Variants in GALNTL6 observed in about 807,000 individuals in gnomAD.
GALNTL6 encodes the protein polypeptide N-acetylgalactosaminyltransferase-like 6.
GALNTL6 carries 46 observed loss-of-function variants against 73.7 expected under a neutral mutation model. The observed-to-expected ratio is 0.62, with a 90% CI of 0.49 to 0.80. The LOEUF is 0.80. GALNTL6 is among the 30% of genes least tolerant of loss of function. The pLI, the probability that GALNTL6 is intolerant of heterozygous loss-of-function variation, is 0.00. For missense variants in GALNTL6, 604 were observed against 755.0 expected (o/e 0.80, Z 2.34); for synonymous variants, 259 against 263.7 (o/e 0.98, Z 0.17).
intron 5 of GALNTL6, among the ~76,000 whole-genome samples, chr4:172,702,328 C>T (rs1422613221): frequency 6.6e-6 from 1 of 151,992 alleles, no homozygotes; most frequent in Non-Finnish European, 1.5e-5. Flanking sequence ...TTTTCTTATT[C>T]ATAAACATCC....
chr4:172,191,927 A>G (rs2110880167), intron 2 of GALNTL6, among the ~76,000 whole-genome samples: 1 of 152,312 alleles, frequency 6.6e-6, no homozygotes, highest in African/African-American at 2.4e-5. Context: ...TACCTAGCAC[A>G]TACAGGTATG....
intron 9 of GALNTL6, among the ~76,000 whole-genome samples, chr4:172,945,670 T>G (rs185569656): frequency 6.6e-6 from 1 of 152,180 alleles, no homozygotes; most frequent in African/African-American, 2.4e-5. Context: ...CCAAAGAAGA[T>G]AACCACCTAC....
At chr4:172,407,738 A>G (rs1390263169) in intron 5 of GALNTL6, among the ~76,000 whole-genome samples, 1 of 152,054 alleles carries the variant, frequency 6.6e-6, no homozygotes, top group African/African-American at 2.4e-5. Context: ...TGAAGTAACC[A>G]TATACATCAT....
chr4:172,413,865 A>G (rs578000491), intron 5 of GALNTL6, among the ~76,000 whole-genome samples: 1 of 152,070 alleles, frequency 6.6e-6, no homozygotes, highest in South Asian at 2.1e-4. Context: ...TTATTTCCTG[A>G]TCTTTCCCCA....
chr4:172,766,616 A>G (rs1029395374), intron 5 of GALNTL6, among the ~76,000 whole-genome samples: 38 of 152,320 alleles, frequency 2.5e-4, no homozygotes, highest in Non-Finnish European at 4.1e-4. Flanking sequence ...ATAATTGTCT[A>G]GATACATAAA....
intron 2 of GALNTL6, chr4:172,052,373 C>T: frequency 8.7e-7 from 1 of 1,142,932 alleles, no homozygotes; most frequent in Non-Finnish European, 1.2e-6. Flanking sequence ...AAGACCTATG[C>T]ACACCTTCAC....
rs953609362 is a variant in GALNTL6, at chr4:172,177,834, C to T, written c.139-51822C>T. ...ATATGTGTGTGTATATATACACACACATATATATGTGTATATATATACACA... is the reference window on the plus strand; with the variant it reads ...ATATGTGTGTGTATATATACACACATATATATATGTGTATATATATACACA... On this transcript the variant is annotated intron_variant, in intron 2 of 12. Transcript: ENST00000506823. 4.4e-5 allele frequency among the ~76,000 whole-genome samples: 3 copies of T among 68,426 alleles called. No homozygotes were observed. In the East Asian group the frequency reaches 8.3e-4, roughly 19 times the overall value. 44.9% of individuals were successfully genotyped at this position (68,426 alleles called of 152,430 possible).
At chr4:171,931,164 T>C (rs79737090) in intron 2 of GALNTL6, among the ~76,000 whole-genome samples, 6,453 of 152,244 alleles carry the variant, frequency 0.042, 393 homozygotes, top group African/African-American at 0.14. Flanking sequence ...TTTAACAGTG[T>C]CTTACACTTT....
intron 2 of GALNTL6, among the ~76,000 whole-genome samples, chr4:172,208,209 C>T (rs1195377926): frequency 1.3e-5 from 2 of 152,102 alleles, no homozygotes; most frequent in African/African-American, 2.4e-5. Context: ...TGTCTCTTTT[C>T]CCCAGCAAGT....
rs1051615145 is a variant in GALNTL6 at position 172,639,151 on chromosome 4, A to G, written c.554-170210A>G. On this transcript the variant is annotated intron_variant, in intron 5 of 12. Coordinates refer to ENST00000506823, the MANE Select transcript of GALNTL6 (RefSeq NM_001034845.3). Reference sequence around the variant, plus strand: ...TAATATGTATCTGGTAGGGAGGGAGACTATAAATATTCCACATCTCATCAT... The same window carrying G: ...TAATATGTATCTGGTAGGGAGGGAGGCTATAAATATTCCACATCTCATCAT... Among the ~76,000 whole-genome samples the G allele has an allele frequency of 2.6e-5, 4 of 152,018 alleles. No homozygotes were observed. The South Asian group carries it at 8.3e-4, about 31-fold the overall frequency.
rs1388616810 is a variant in GALNTL6, at chr4:172,824,739, A to T, written c.923+11016A>T. On this transcript the variant is annotated intron_variant, in intron 7 of 12. Coordinates refer to ENST00000506823, the MANE Select transcript of GALNTL6 (RefSeq NM_001034845.3). Reference sequence around the variant, plus strand: ...TTCAGGTGAGAAGGCTTCAGAAATGAGAGAATTCCCTATCTCAATCCTCTA... The same window carrying T: ...TTCAGGTGAGAAGGCTTCAGAAATGTGAGAATTCCCTATCTCAATCCTCTA... Among the ~76,000 whole-genome samples the T allele has an allele frequency of 2.6e-5, 4 of 152,270 alleles. No individual in the cohort carries two copies. In the East Asian group the frequency reaches 7.7e-4, roughly 29 times the overall value.
intron 10 of GALNTL6, among the ~76,000 whole-genome samples, chr4:172,978,275 T>C (rs1317742503): frequency 6.6e-6 from 1 of 152,174 alleles, no homozygotes; most frequent in Non-Finnish European, 1.5e-5. Flanking sequence ...GGGTTGACTG[T>C]ATAGTCCCAC....
intron 2 of GALNTL6, among the ~76,000 whole-genome samples, chr4:172,221,231 G>A (rs1184521570): frequency 6.6e-6 from 1 of 151,616 alleles, no homozygotes; most frequent in Non-Finnish European, 1.5e-5. Flanking sequence ...TTTCCCTTTA[G>A]TTGTAACACA....
At chr4:172,977,930 C>G (rs1297410119) in intron 10 of GALNTL6, among the ~76,000 whole-genome samples, 1 of 152,120 alleles carries the variant, frequency 6.6e-6, no homozygotes, top group African/African-American at 2.4e-5. Flanking sequence ...GCCTCTGCCT[C>G]CTGGGTCCAA....
Position 172,268,428 on chromosome 4 carries a change from C to T in GALNTL6, c.247+38664C>T, listed in dbSNP as rs75289821. Among the ~76,000 whole-genome samples the T allele has an allele frequency of 4.2e-3, 646 of 152,260 alleles. 6 individuals are homozygous for T. Among genetic ancestry groups the T allele is most frequent in the African/African-American group, 0.015 (618 of 41,554 alleles). On this transcript the variant is annotated intron_variant, in intron 3 of 12. Coordinates refer to ENST00000506823, the MANE Select transcript of GALNTL6 (RefSeq NM_001034845.3). ...TGTAGCTGAGATAATCCTTCAGTGT[C>T]GTCACTTGCTAAAGCAAGGGAATTG...
chr4:172,442,551 G>T (rs115550395), intron 5 of GALNTL6, among the ~76,000 whole-genome samples: 1 of 151,974 alleles, frequency 6.6e-6, no homozygotes, highest in Non-Finnish European at 1.5e-5. Flanking sequence ...TATAAAAAAA[G>T]GATTTCTTAG....
chr4:172,307,560 G>A (rs545063205), intron 3 of GALNTL6, among the ~76,000 whole-genome samples: 1 of 152,066 alleles, frequency 6.6e-6, no homozygotes, highest in African/African-American at 2.4e-5. Flanking sequence ...ATCCAGTTTT[G>A]TTCTTCTATA....
In GALNTL6 at chr4:172,508,124, G is replaced by A. The variant is rs1478522444; in HGVS notation, c.553+159435G>A. On this transcript the variant is annotated intron_variant, in intron 5 of 12. Coordinates refer to ENST00000506823, the MANE Select transcript of GALNTL6 (RefSeq NM_001034845.3). ...GGTGCATCATACTAAAGATTATAGAGAAATGATAAAAAAGCGTTTGTGTTA... is the reference window on the plus strand; with the variant it reads ...GGTGCATCATACTAAAGATTATAGAAAAATGATAAAAAAGCGTTTGTGTTA... Among the ~76,000 whole-genome samples the A allele has an allele frequency of 9.7e-4, 53 of 54,786 alleles. 23 individuals are homozygous for A. The Admixed American group carries it at 0.011, about 11-fold the overall frequency. The allele number at this position is 54,786 out of a possible 152,430, so 35.9% of individuals were successfully genotyped here.
intron 5 of GALNTL6, among the ~76,000 whole-genome samples, chr4:172,786,517 T>A (rs1048869367): frequency 7.9e-5 from 12 of 152,208 alleles, no homozygotes; most frequent in African/African-American, 2.9e-4. Context: ...TTTTAGTTTT[T>A]GTTTTACATT....
Sources: gnomAD v4.1 joint callset for allele counts (sites outside exome capture counted in the v4.1 genomes callset) on GRCh38, gnomAD v4.1.1 for gene constraint, MANE v1.5 for transcripts, NCBI Gene and HGNC (gene_info 2026-07-23, HGNC 2026-07-21) for gene names.